The following NFIC variants were observed in gnomAD, a reference collection of about 807,000 sequenced individuals.
The protein encoded by NFIC is nuclear factor 1 C-type.
A neutral mutation model predicts 54.4 loss-of-function variants in NFIC; 12 were observed. That is an observed-to-expected ratio of 0.22 (90% CI 0.14 to 0.36). The LOEUF (loss-of-function observed/expected upper bound fraction) is 0.36. Ranked by LOEUF, NFIC falls within the 10% of genes least tolerant of loss-of-function variation. The probability of loss-of-function intolerance (pLI) is 1.00; values close to 1 mark genes in which losing one functional copy is unlikely to be tolerated. For missense variants in NFIC, 575 were observed against 718.2 expected, an observed-to-expected ratio of 0.80 and a Z score of 2.28; for synonymous variants, 322 against 319.2, an observed-to-expected ratio of 1.01 and a Z score of -0.09.
intron 2 of NFIC, among the ~76,000 whole-genome samples, chr19:3,388,127 C>T (rs1053590324): frequency 6.6e-6 from 1 of 152,140 alleles, no homozygotes. Context: ...TGCCAAGCTC[C>T]TGCAGTCCAG....
chr19:3,387,626 G>A (rs1269109930), intron 2 of NFIC, among the ~76,000 whole-genome samples: 1 of 152,114 alleles, frequency 6.6e-6, no homozygotes, highest in Non-Finnish European at 1.5e-5. Context: ...GCGTCTTTGA[G>A]GTGAGGCTTG....
At chr19:3,366,998 C>CGTGCGGGGTCGG (rs2080902191) in intron 1 of NFIC, among the ~76,000 whole-genome samples, 1 of 151,682 alleles carries the variant, frequency 6.6e-6, no homozygotes, top group Non-Finnish European at 1.5e-5. Flanking sequence ...ACCCCCGCCC[C>CGTGCGGGGTCGG]GACACTCGGA....
At chr19:3,440,148 C>T (rs969885974) in intron 6 of NFIC, among the ~76,000 whole-genome samples, 11 of 152,062 alleles carry the variant, frequency 7.2e-5, no homozygotes, top group African/African-American at 2.7e-4. Flanking sequence ...GAGGGCATTC[C>T]CAGCAGGGAG....
intron 2 of NFIC, among the ~76,000 whole-genome samples, chr19:3,424,823 C>G (rs1860324): frequency 0.69 from 105,091 of 152,218 alleles, 39,685 homozygotes; most frequent in East Asian, 0.93. Context: ...GACTGAGCCG[C>G]CCCTGCAGAA....
At chr19:3,366,705 C>T (rs765653091) in intron 1 of NFIC, 39 bp downstream of exon 1, 5 of 1,309,854 alleles carry the variant, frequency 3.8e-6, no homozygotes, top group African/African-American at 1.5e-5. Context: ...CGCCCCCGCG[C>T]CCCCCGCATC....
Position 3,452,698 on chromosome 19 carries a change from C to T in NFIC, c.1269+32C>T, listed in dbSNP as rs751576500. On this transcript the variant is annotated intron_variant, in intron 8 of 10. Transcript: ENST00000443272. This position sits in a 1 kb window ranked among gnomAD's most constrained non-coding sequence, Gnocchi z 5.3. ...TGGGCGGGGCGCATTCGGGCCTCTC[C>T]TGGCGGCTCCAGGTGACCTCCCGGG... 14 of 1,556,002 alleles carry T rather than the reference C, an allele frequency of 9.0e-6. No homozygotes were observed. The Admixed American group carries it at 2.0e-4, about 23-fold the overall frequency.
intron 2 of NFIC, among the ~76,000 whole-genome samples, chr19:3,423,251 C>T (rs1185082453): frequency 6.6e-6 from 1 of 151,938 alleles, no homozygotes; most frequent in Non-Finnish European, 1.5e-5. Flanking sequence ...GGGGCGGACT[C>T]TCGTGATTGA....
At chr19:3,441,703 C>T (rs555888262) in intron 6 of NFIC, among the ~76,000 whole-genome samples, 7 of 151,702 alleles carry the variant, frequency 4.6e-5, no homozygotes, top group Non-Finnish European at 7.4e-5. Flanking sequence ...CAGGAAGGGC[C>T]GGAGGGGCTG....
intron 3 of NFIC, among the ~76,000 whole-genome samples, chr19:3,425,919 T>C (rs1180014724): frequency 8.8e-4 from 1 of 1,140 alleles, no homozygotes; most frequent in Non-Finnish European, 2.5e-3. Flanking sequence ...CATGCCTGGC[T>C]TTTTTTTTTT....
At chr19:3,409,388 CA>C (rs2081712284) in intron 2 of NFIC, among the ~76,000 whole-genome samples, 2 of 152,194 alleles carry the variant, frequency 1.3e-5, no homozygotes, top group Admixed American at 6.6e-5. Context: ...CCCCCAAAGC[CA>C]TTCTGCCTTC....
chr19:3,394,519 A>ACCCCCCCCCCCCCC (rs138210089), intron 2 of NFIC, among the ~76,000 whole-genome samples: 1 of 47,312 alleles, frequency 2.1e-5, no homozygotes, highest in Non-Finnish European at 3.4e-5. Flanking sequence ...TCTTTTCCCC[A>ACCCCCCCCCCCCCC]CCCACCCCCC....
At position 3,468,396 on chromosome 19, in the gene NFIC, C is replaced by T. The variant is rs1002099845; in HGVS notation, c.*5627C>T. The T allele has an allele frequency of 6.6e-6, 1 of 152,226 alleles. No individual in the cohort carries two copies. The highest frequency in any genetic ancestry group is 2.4e-5 in the African/African-American group (1 of 41,424). 9.4% of individuals were successfully genotyped at this position (152,226 alleles called of 1,614,324 possible). On this transcript the variant is annotated 3_prime_UTR_variant, in exon 11 of 11. Transcript: ENST00000443272. ...GGCTGCCCCGGCCCCTCAACTGCAT[C>T]CACACCCCATCCTCTCATCTTGGGT...
chr19:3,464,380 G>A lies in NFIC; in HGVS notation c.*1611G>A. 1.0e-6 allele frequency: 1 copy of A among 985,094 alleles called. No homozygotes were observed. The highest frequency in any genetic ancestry group is 1.1e-4 in the East Asian group (1 of 8,750). The allele number at this position is 985,094 out of a possible 1,614,324, so 61.0% of individuals were successfully genotyped here. ...GAGCCGCTCCAAAAACACTAAGCTG[G>A]GGACGCCAGGTGCCCCCCCACCCCG... On this transcript the variant is annotated 3_prime_UTR_variant, in exon 11 of 11. Transcript: ENST00000443272.
rs907142425 is a variant in NFIC at position 3,452,375 on chromosome 19, G to A, written c.1085-107G>A. The A allele has an allele frequency of 1.1e-5, 16 of 1,404,946 alleles. No homozygotes were observed. The highest frequency in any genetic ancestry group is 9.9e-5 in the African/African-American group (7 of 70,588). The allele number at this position is 1,404,946 out of a possible 1,614,324, so 87.0% of individuals were successfully genotyped here. A position where few individuals can be genotyped will look rare whatever the true frequency, so the allele number is the denominator to read the frequency against. The stretch of plus-strand genomic sequence containing the variant: ...TTTTTGGTGGTTATTGTTACTAAAC[G>A]CACTGAGATGCCGGCAGGAATGACA... On this transcript the variant is annotated intron_variant, in intron 7 of 10. Transcript: ENST00000443272. The surrounding 1 kb of genome is among the most constrained non-coding windows in gnomAD (Gnocchi z 5.3).
intron 6 of NFIC, among the ~76,000 whole-genome samples, chr19:3,447,169 G>A (rs1328315845): frequency 6.6e-6 from 1 of 151,718 alleles, no homozygotes; most frequent in African/African-American, 2.4e-5. Context: ...CGTGGTGGTG[G>A]GCGCCTGTAA....
Position 3,381,917 on chromosome 19 carries a change from A to G in NFIC, c.236A>G (p.Lys79Arg). The G allele has an allele frequency of 6.2e-7, 1 of 1,613,718 alleles. No homozygotes were observed. Among genetic ancestry groups the G allele is most frequent in the Non-Finnish European group, 8.5e-7 (1 of 1,179,940 alleles). The change falls in exon 2 of 11, where the codon AAG (lysine) becomes AGG (arginine). Residue 79 changes from lysine (K) to arginine (R), a missense_variant. Lys to Arg is a conservative substitution (Grantham distance 26, BLOSUM62 2). Transcript: ENST00000443272. ...AAGTGGGCGTCGCGGCTGCTGGCCA[A>G]GCTGCGCAAGGACATCCGGCCCGAG... ...KQKWASRLLA[K>R]LRKDIRPECR...
At chr19:3,456,446 C>A (rs759320468) in intron 9 of NFIC, 104 bp from the exon 10 acceptor site, 3 of 1,123,074 alleles carry the variant, frequency 2.7e-6, no homozygotes, top group African/African-American at 3.1e-5. Context: ...GTGCAGAGGC[C>A]CGGCTGTGTG....
At position 3,459,902 on chromosome 19, in the gene NFIC, G is replaced by A. The variant is rs911548840; in HGVS notation, c.1510-2850G>A. On this transcript the variant is annotated intron_variant, in intron 10 of 10. Coordinates refer to ENST00000443272, the MANE Select transcript of NFIC (RefSeq NM_001245002.2). This position sits in a 1 kb window ranked among gnomAD's most constrained non-coding sequence, Gnocchi z 4.2. Reference sequence around the variant, plus strand: ...ATGATTTGCTGCAGCGGTGGGGGGCGGCCCCACCTCTAACCTCAGTTGGGG... The same window carrying A: ...ATGATTTGCTGCAGCGGTGGGGGGCAGCCCCACCTCTAACCTCAGTTGGGG... 1.3e-5 allele frequency among the ~76,000 whole-genome samples: 2 copies of A among 152,168 alleles called. No homozygotes were observed. Among genetic ancestry groups the A allele is most frequent in the Admixed American group, 6.5e-5 (1 of 15,278 alleles).
At chr19:3,361,939 G>A (rs2080817218), upstream of NFIC, among the ~76,000 whole-genome samples, 1 of 152,116 alleles carries the variant, frequency 6.6e-6, no homozygotes, top group South Asian at 2.1e-4. Context: ...GACACACACA[G>A]GCCTGTCTAG....
Sources: allele counts gnomAD v4.1 joint callset (sites outside exome capture counted in the v4.1 genomes callset), GRCh38; gene constraint gnomAD v4.1.1; non-coding constraint Gnocchi (gnomAD v3.1); transcripts MANE v1.5; gene names NCBI Gene and HGNC (gene_info 2026-07-23, HGNC 2026-07-21).